The following TRPC4 variants were observed in gnomAD, a reference collection of about 807,000 sequenced individuals.
TRPC4 encodes the protein short transient receptor potential channel 4.
In TRPC4, 49 loss-of-function variants were observed where a neutral mutation model predicts 99.4. The observed-to-expected ratio is 0.49, with a 90% confidence interval of 0.39 to 0.63. TRPC4 has a LOEUF of 0.63. TRPC4 is among the 20% of genes least tolerant of loss of function. The probability of loss-of-function intolerance (pLI) is 0.00; values close to 1 mark genes in which losing one functional copy is unlikely to be tolerated. For synonymous variants in TRPC4, 454 were observed against 425.9 expected, an observed-to-expected ratio of 1.07 and a Z score of -0.81; for missense variants, 898 against 1,152.9, an observed-to-expected ratio of 0.78 and a Z score of 3.20.
intron 2 of TRPC4, among the ~76,000 whole-genome samples, chr13:37,761,651 GAAAGCATGTTGTAATCTAT>G (rs1048573142): frequency 2.0e-5 from 3 of 151,904 alleles, no homozygotes; most frequent in Non-Finnish European, 4.4e-5. Flanking sequence ...GATTAAATGT[GAAAGCATGTTGTAATCTAT>G]AAATCACTAA....
rs2138495444 is a variant in TRPC4, at chr13:37,634,016, C to A, written c.*2887G>T. On this transcript the variant is annotated 3_prime_UTR_variant, in exon 11 of 11. Coordinates refer to ENST00000379705, the MANE Select transcript of TRPC4 (RefSeq NM_016179.4). ...AAACAAAGTGTTTTAAACTTACCTG[C>A]TAGTCTATTAAACTGAATTTTCAAC... Among the ~76,000 whole-genome samples, 1 of 152,156 alleles carries A rather than the reference C, an allele frequency of 6.6e-6. No homozygotes were observed. Among genetic ancestry groups the A allele is most frequent in the African/African-American group, 2.4e-5 (1 of 41,534 alleles).
At chr13:37,868,585 C>A (rs931666830) in intron 1 of TRPC4, among the ~76,000 whole-genome samples, 1 of 151,764 alleles carries the variant, frequency 6.6e-6, no homozygotes, top group African/African-American at 2.4e-5. Context: ...TATATGAGCT[C>A]TGAGAGGCGG....
chr13:37,856,998 C>T (rs764626110), intron 1 of TRPC4, among the ~76,000 whole-genome samples: 8 of 151,310 alleles, frequency 5.3e-5, no homozygotes, highest in South Asian at 2.1e-4. Context: ...CAAGGATGCC[C>T]GCTTTCATAA....
chr13:37,836,086 C>T (rs1396249914), intron 1 of TRPC4, among the ~76,000 whole-genome samples: 2 of 152,096 alleles, frequency 1.3e-5, no homozygotes, highest in Non-Finnish European at 2.9e-5. Flanking sequence ...TTCTCCTGCA[C>T]GAGTTCTCTC....
chr13:37,781,656 G>A (rs1304682788), intron 2 of TRPC4, among the ~76,000 whole-genome samples: 1 of 152,026 alleles, frequency 6.6e-6, no homozygotes, highest in Non-Finnish European at 1.5e-5. Flanking sequence ...TATAATGAGA[G>A]TAATCCACAA....
chr13:37,792,452 T>C (rs993561358), intron 1 of TRPC4, among the ~76,000 whole-genome samples: 1 of 152,176 alleles, frequency 6.6e-6, no homozygotes, highest in Non-Finnish European at 1.5e-5. Flanking sequence ...ATGTTATTAC[T>C]ACATCAGAAA....
At chr13:37,836,020 CTGT>C (rs1958556112) in intron 1 of TRPC4, among the ~76,000 whole-genome samples, 1 of 87,600 alleles carries the variant, frequency 1.1e-5, no homozygotes, top group Admixed American at 1.5e-4. Flanking sequence ...CTTTCCCATG[CTGT>C]TCTCATGATA....
chr13:37,826,415 T>G (rs1593268654), intron 1 of TRPC4, among the ~76,000 whole-genome samples: 1 of 135,350 alleles, frequency 7.4e-6, no homozygotes. Flanking sequence ...CTGGTACCGG[T>G]TGTTCCTTTC....
chr13:37,867,430 T>C (rs1173100017), intron 1 of TRPC4, among the ~76,000 whole-genome samples: 2 of 152,000 alleles, frequency 1.3e-5, no homozygotes, highest in Non-Finnish European at 2.9e-5. Context: ...TAAAACAGAC[T>C]ATTTCCAAAA....
At chr13:37,673,949 A>G (rs1034225586) in intron 5 of TRPC4, among the ~76,000 whole-genome samples, 1 of 152,192 alleles carries the variant, frequency 6.6e-6, no homozygotes, top group Non-Finnish European at 1.5e-5. Context: ...ATTAGAAACT[A>G]GAGCAGTTAC....
Position 37,863,382 on chromosome 13 carries a change from A to T in TRPC4, c.-28+6213T>A, listed in dbSNP as rs947060297. Among the ~76,000 whole-genome samples, 7 of 151,744 alleles carry T rather than the reference A, an allele frequency of 4.6e-5. No homozygotes were observed. The East Asian group carries it at 1.4e-3, about 29-fold the overall frequency. ...AATAATTTGTGTCTCACACTCAAGC[A>T]GTCTCCCACTCTTTATTACTTGTTA... On this transcript the variant is annotated intron_variant, in intron 1 of 10. Transcript: ENST00000379705.
At chr13:37,687,783 T>C (rs1953538150) in intron 4 of TRPC4, among the ~76,000 whole-genome samples, 1 of 152,174 alleles carries the variant, frequency 6.6e-6, no homozygotes. Context: ...CATTCAGTCT[T>C]TCCAATGAAA....
At chr13:37,694,651 CTTT>C (rs1953849595) in intron 3 of TRPC4, among the ~76,000 whole-genome samples, 1 of 152,054 alleles carries the variant, frequency 6.6e-6, no homozygotes, top group Admixed American at 6.5e-5. Flanking sequence ...CTTAAAAGTA[CTTT>C]TTCTTTCTTT....
rs556328807 is a variant in TRPC4 at position 37,645,508 on chromosome 13, G to C, written c.2079+5757C>G. On this transcript the variant is annotated intron_variant, in intron 8 of 10. Transcript: ENST00000379705. The stretch of plus-strand genomic sequence containing the variant: ...TTCTCTCATTTCCACTCTGGTTTTG[G>C]TCTAGCAGTGAATTTTAAGCCCATG... 1.4e-4 allele frequency among the ~76,000 whole-genome samples: 21 copies of C among 152,220 alleles called. No individual in the cohort carries two copies. In the South Asian group the frequency reaches 2.9e-3, roughly 21 times the overall value.
At chr13:37,835,658 G>A (rs1958545406) in intron 1 of TRPC4, among the ~76,000 whole-genome samples, 1 of 152,104 alleles carries the variant, frequency 6.6e-6, no homozygotes, top group African/African-American at 2.4e-5. Context: ...AAAGATAAAA[G>A]GTATAAGTGA....
chr13:37,798,828 T>G (rs920932329), intron 1 of TRPC4, among the ~76,000 whole-genome samples: 2 of 152,186 alleles, frequency 1.3e-5, no homozygotes, highest in Non-Finnish European at 2.9e-5. Context: ...ACAAATATTA[T>G]ACTAGAAATA....
chr13:37,759,670 A>C (rs1053720406), intron 2 of TRPC4, among the ~76,000 whole-genome samples: 1 of 151,934 alleles, frequency 6.6e-6, no homozygotes, highest in Non-Finnish European at 1.5e-5. Context: ...TAAAAACAAT[A>C]ATGAAATACA....
At chr13:37,821,136 C>A (rs1230681064) in intron 1 of TRPC4, among the ~76,000 whole-genome samples, 1 of 150,708 alleles carries the variant, frequency 6.6e-6, no homozygotes, top group Non-Finnish European at 1.5e-5. Context: ...TTCCTATACA[C>A]AAGCAACATC....
intron 1 of TRPC4, among the ~76,000 whole-genome samples, chr13:37,849,240 G>C (rs933007): frequency 6.6e-6 from 1 of 152,124 alleles, no homozygotes; most frequent in Non-Finnish European, 1.5e-5. Context: ...CATGGAAACT[G>C]TGATTCATCT....
Sources: gnomAD v4.1 joint callset for allele counts (sites outside exome capture counted in the v4.1 genomes callset) on GRCh38, gnomAD v4.1.1 for gene constraint, MANE v1.5 for transcripts, NCBI Gene and HGNC (gene_info 2026-07-23, HGNC 2026-07-21) for gene names.